Variants in ATXN3 observed in about 807,000 individuals in gnomAD.
The protein encoded by ATXN3 is ataxin-3.
ATXN3 carries 28 observed loss-of-function variants against 58.2 expected under a neutral mutation model. The observed-to-expected ratio is 0.48, with a 90% CI of 0.36 to 0.66. The LOEUF (loss-of-function observed/expected upper bound fraction) is 0.66, where lower values mean the gene tolerates loss of function less well. Ranked by LOEUF, ATXN3 falls within the 30% of genes least tolerant of loss-of-function variation. The pLI, the probability that ATXN3 is intolerant of heterozygous loss-of-function variation, is 0.00. For synonymous variants in ATXN3, 113 were observed against 138.5 expected (o/e 0.82, Z 1.29); for missense variants, 321 against 422.1 (o/e 0.76, Z 2.10).
downstream of ATXN3, among the ~76,000 whole-genome samples, chr14:92,053,946 T>C (rs537545627): frequency 6.6e-6 from 1 of 151,940 alleles, no homozygotes; most frequent in East Asian, 1.9e-4. Context: ...TTGGTTTTTT[T>C]TTCCCCCGAG....
chr14:92,073,784 A>G (rs2059857894), intron 9 of ATXN3, among the ~76,000 whole-genome samples: 1 of 151,680 alleles, frequency 6.6e-6, no homozygotes, highest in Non-Finnish European at 1.5e-5. Context: ...GGTTGTAGTG[A>G]GCCCAGATCA....
At chr14:92,050,143 C>CATGTGTGTGTGT (rs113375315), upstream of ATXN3, among the ~76,000 whole-genome samples, 1 of 147,590 alleles carries the variant, frequency 6.8e-6, no homozygotes, top group African/African-American at 2.5e-5. Flanking sequence ...ACTTTGCTCT[C>CATGTGTGTGTGT]GTGTGTGTGT....
chr14:92,093,041 T>A (rs1287195030), intron 5 of ATXN3, among the ~76,000 whole-genome samples: 5 of 146,002 alleles, frequency 3.4e-5, no homozygotes, highest in South Asian at 2.2e-4. Flanking sequence ...TTGTTTTTTT[T>A]TTTATTTATT....
chr14:92,093,863 T>TA (rs773348467), intron 3 of ATXN3, 32 bp from the exon 4 acceptor site: 1 of 1,324,870 alleles, frequency 7.5e-7, no homozygotes, highest in South Asian at 1.2e-5. Flanking sequence ...TTTCATAAGC[T>TA]AAACCACTCC....
At chr14:92,054,253 G>A (rs75945303), downstream of ATXN3, among the ~76,000 whole-genome samples, 955 of 152,264 alleles carry the variant, frequency 6.3e-3, 13 homozygotes, top group African/African-American at 0.021. Context: ...TCTTGAATAG[G>A]AGCTGGGTAA....
intron 3 of ATXN3, 102 bp from the exon 4 acceptor site, chr14:92,093,933 G>A: frequency 1.6e-6 from 1 of 640,850 alleles, no homozygotes; most frequent in Non-Finnish European, 2.7e-6. Flanking sequence ...AATTTCTCTA[G>A]AAGGCTATAG....
Position 92,081,197 on chromosome 14 carries a change from C to T in ATXN3, c.776-136G>A, listed in dbSNP as rs1421926508. The T allele has an allele frequency of 4.3e-5, 25 of 584,624 alleles. No homozygotes were observed. The Admixed American group carries it at 4.8e-4, about 11-fold the overall frequency. The allele number at this position is 584,624 out of a possible 1,614,324, so 36.2% of individuals were successfully genotyped here. A position where few individuals can be genotyped will look rare whatever the true frequency, so the allele number is the denominator to read the frequency against. On this transcript the variant is annotated intron_variant, in intron 8 of 10. Coordinates refer to ENST00000644486, the MANE Select transcript of ATXN3 (RefSeq NM_004993.6). ...AGAATATTCTACTCTTCTGGCTGGG[C>T]GTGGTGGCTCACACATGTAATCCCA...
chr14:92,068,683 C>T (rs1276844455), intron 10 of ATXN3, among the ~76,000 whole-genome samples: 5 of 152,062 alleles, frequency 3.3e-5, no homozygotes, highest in African/African-American at 1.2e-4. Flanking sequence ...CTTCGCTTCC[C>T]GGGATCAAGC....
At chr14:92,100,057 T>C (rs2066412343) in intron 1 of ATXN3, among the ~76,000 whole-genome samples, 3 of 152,208 alleles carry the variant, frequency 2.0e-5, no homozygotes, top group Admixed American at 1.3e-4. Context: ...TCAACTTTAT[T>C]AGTCATCAGG....
intron 9 of ATXN3, chr14:92,071,367 G>A (rs905129123): frequency 2.3e-5 from 10 of 434,714 alleles, no homozygotes; most frequent in African/African-American, 8.1e-5. Flanking sequence ...AGGCCGAGGC[G>A]GGTGGATGGC....
downstream of ATXN3, among the ~76,000 whole-genome samples, chr14:92,054,815 A>G (rs1203872903): frequency 6.6e-6 from 1 of 152,040 alleles, no homozygotes; most frequent in African/African-American, 2.4e-5. Flanking sequence ...CAGTCTCCAC[A>G]TTTCTTGAAG....
chr14:92,097,569 A>G (rs930685971), intron 1 of ATXN3, among the ~76,000 whole-genome samples: 2 of 148,200 alleles, frequency 1.3e-5, no homozygotes, highest in African/African-American at 5.0e-5. Context: ...TCTGTCACCC[A>G]GCCTGGAGTG....
At chr14:92,093,658 C>A in intron 4 of ATXN3, 88 bp downstream of exon 4, 1 of 1,067,766 alleles carries the variant, frequency 9.4e-7, no homozygotes, top group South Asian at 1.4e-5. Context: ...CAAAAGTATT[C>A]AAAATGTATT....
At chr14:92,083,037 C>A in intron 7 of ATXN3, 89 bp downstream of exon 7, 1 of 1,462,078 alleles carries the variant, frequency 6.8e-7, no homozygotes, top group Non-Finnish European at 9.2e-7. Context: ...GCCAACAACA[C>A]AAGGACCACA....
At chr14:92,078,988 C>G (rs1003976537) in intron 9 of ATXN3, among the ~76,000 whole-genome samples, 1 of 151,952 alleles carries the variant, frequency 6.6e-6, no homozygotes, top group African/African-American at 2.4e-5. Flanking sequence ...GAGTTTAAGG[C>G]CAGCCTGGAC....
chr14:92,086,206 G>T (rs542406498), intron 6 of ATXN3, among the ~76,000 whole-genome samples: 3 of 138,984 alleles, frequency 2.2e-5, no homozygotes, highest in African/African-American at 8.4e-5. Context: ...CCAGGAATTC[G>T]AGACCAACCT....
At chr14:92,053,939 GT>G (rs971997786), downstream of ATXN3, among the ~76,000 whole-genome samples, 1,032 of 150,358 alleles carry the variant, frequency 6.9e-3, 11 homozygotes, top group African/African-American at 0.024. Flanking sequence ...CTCCATTTTG[GT>G]TTTTTTTTCC....
chr14:92,093,946 T>TTTTTG, intron 3 of ATXN3, 115 bp from the exon 4 acceptor site: 1 of 194,712 alleles, frequency 5.1e-6, no homozygotes. Context: ...GGCTATAGGT[T>TTTTTG]TTTTTTTTTT....
At chr14:92,100,291 G>C (rs2066474794) in intron 1 of ATXN3, among the ~76,000 whole-genome samples, 1 of 152,022 alleles carries the variant, frequency 6.6e-6, no homozygotes, top group Admixed American at 6.5e-5. Context: ...CAACAGCAAT[G>C]CAAACATACA....
Sources: gnomAD v4.1 joint callset for allele counts (sites outside exome capture counted in the v4.1 genomes callset) on GRCh38, gnomAD v4.1.1 for gene constraint, MANE v1.5 for transcripts, NCBI Gene and HGNC (gene_info 2026-07-23, HGNC 2026-07-21) for gene names.